ABHD2: variants seen among roughly 807,000 people sequenced by gnomAD.
The protein encoded by ABHD2 is monoacylglycerol lipase ABHD2.
A neutral mutation model predicts 48.1 loss-of-function variants in ABHD2; 20 were observed. The ratio of observed to expected loss-of-function variants is 0.42; its 90% CI spans 0.29 to 0.60. The LOEUF is 0.60. Ranked by LOEUF, ABHD2 falls within the 20% of genes least tolerant of loss-of-function variation. The pLI is 0.24. For missense variants in ABHD2, 405 were observed against 550.9 expected (o/e 0.74, Z 2.65); for synonymous variants, 209 against 214.2 (o/e 0.98, Z 0.21).
the ABHD2 span, among the ~76,000 whole-genome samples, chr15:89,080,533 G>C: frequency 2.0e-5 from 3 of 152,044 alleles, no homozygotes; most frequent in Non-Finnish European, 4.4e-5. Flanking sequence ...CCTTGCAAAG[G>C]GGCCCAAATT....
At chr15:89,172,491 C>G (rs1428872789) in intron 5 of ABHD2, among the ~76,000 whole-genome samples, 2 of 152,240 alleles carry the variant, frequency 1.3e-5, no homozygotes, top group Non-Finnish European at 2.9e-5. Flanking sequence ...GCATTGTACA[C>G]ATGTACCACA....
At chr15:89,058,142 A>G in the ABHD2 span, among the ~76,000 whole-genome samples, 114 of 152,264 alleles carry the variant, frequency 7.5e-4, no homozygotes, top group African/African-American at 2.6e-3. Flanking sequence ...ATAACCACCT[A>G]AAAGACCAGG....
Position 89,176,042 on chromosome 15 carries a change from T to C in ABHD2, c.722+47T>C, listed in dbSNP as rs1247183627. 6.5e-7 allele frequency: 1 copy of C among 1,529,144 alleles called. No individual in the cohort carries two copies. The allele number at this position is 1,529,144 out of a possible 1,614,324, so 94.7% of individuals were successfully genotyped here. A position where few individuals can be genotyped will look rare whatever the true frequency, so the allele number is the denominator to read the frequency against. On this transcript the variant is annotated intron_variant, in intron 6 of 10. Transcript: ENST00000352732. This position sits in a 1 kb window ranked among gnomAD's most constrained non-coding sequence, Gnocchi z 4.5. Reference sequence around the variant, plus strand: ...TCAGGGCCTTCAGTTAGCCCTTATTTATAGAGATGCCCCGACGCACAACAC... The same window carrying C: ...TCAGGGCCTTCAGTTAGCCCTTATTCATAGAGATGCCCCGACGCACAACAC...
chr15:89,190,139 G>A (rs930199094), intron 8 of ABHD2, among the ~76,000 whole-genome samples: 1 of 152,162 alleles, frequency 6.6e-6, no homozygotes, highest in African/African-American at 2.4e-5. Context: ...CCACAGCTTT[G>A]GGGGAGGAAG....
At chr15:89,074,826 C>A in the ABHD2 span, among the ~76,000 whole-genome samples, 1 of 152,202 alleles carries the variant, frequency 6.6e-6, no homozygotes, top group Non-Finnish European at 1.5e-5. Context: ...CCCTATCTGT[C>A]TTTTAAAATA....
At chr15:89,072,933 A>G in the ABHD2 span, among the ~76,000 whole-genome samples, 1 of 152,166 alleles carries the variant, frequency 6.6e-6, no homozygotes, top group South Asian at 2.1e-4. Flanking sequence ...TATTAATAAA[A>G]TTTAATTTTT....
In ABHD2 at chr15:89,137,066, A is replaced by G. The variant is rs1480905526; in HGVS notation, c.195-14611A>G. ...TGGGAATAGTGGTGCCTTCTCCTAA[A>G]GTTAGGTCACTAATCTTTGACTGGC... On this transcript the variant is annotated intron_variant, in intron 3 of 10. Coordinates refer to ENST00000352732, the MANE Select transcript of ABHD2 (RefSeq NM_152924.5). This position sits in a 1 kb window ranked among gnomAD's most constrained non-coding sequence, Gnocchi z 4.8. Among the ~76,000 whole-genome samples, 2 of 152,226 alleles carry G rather than the reference A, an allele frequency of 1.3e-5. No homozygotes were observed. The highest frequency in any genetic ancestry group is 2.9e-5 in the Non-Finnish European group (2 of 68,032).
the ABHD2 span, among the ~76,000 whole-genome samples, chr15:89,043,878 C>T: frequency 7.7e-6 from 1 of 129,318 alleles, no homozygotes; most frequent in African/African-American, 2.5e-5. Flanking sequence ...GTATTTTTCT[C>T]TTTTCTTTTT....
chr15:89,164,098 T>G lies in ABHD2; in HGVS notation c.538+8564T>G, dbSNP rs2050801493. On this transcript the variant is annotated intron_variant, in intron 5 of 10. Coordinates refer to ENST00000352732, the MANE Select transcript of ABHD2 (RefSeq NM_152924.5). This position sits in a 1 kb window ranked among gnomAD's most constrained non-coding sequence, Gnocchi z 5.0. ...GGACCTGTGGGTTTGGTCTTTGATCTTTTGTTCAGCCAGCATCCTCCAGAC... is the reference window on the plus strand; with the variant it reads ...GGACCTGTGGGTTTGGTCTTTGATCGTTTGTTCAGCCAGCATCCTCCAGAC... Among the ~76,000 whole-genome samples the G allele has an allele frequency of 6.6e-6, 1 of 152,178 alleles. No individual in the cohort carries two copies. The highest frequency in any genetic ancestry group is 6.5e-5 in the Admixed American group (1 of 15,282).
At chr15:89,049,373 C>T in the ABHD2 span, among the ~76,000 whole-genome samples, 2 of 152,220 alleles carry the variant, frequency 1.3e-5, no homozygotes, top group African/African-American at 4.8e-5. Flanking sequence ...AGAGGTGGAG[C>T]CTACAGAGGC....
At chr15:89,183,380 A>AT (rs1198026419) in intron 6 of ABHD2, 63 of 58,350 alleles carry the variant, frequency 1.1e-3, no homozygotes, top group East Asian at 6.2e-3. Flanking sequence ...AAAAAAAAAA[A>AT]AAAAATATAT....
At chr15:89,165,953 A>C (rs1053724316) in intron 5 of ABHD2, among the ~76,000 whole-genome samples, 1 of 152,236 alleles carries the variant, frequency 6.6e-6, no homozygotes, top group Non-Finnish European at 1.5e-5. Context: ...AGAGCAAAGA[A>C]GAGGTAGATC....
intron 3 of ABHD2, chr15:89,136,442 A>G: frequency 2.1e-6 from 1 of 481,204 alleles, no homozygotes; most frequent in Non-Finnish European, 4.0e-6. Context: ...TTTGCACAAA[A>G]AATGCATATG....
the ABHD2 span, among the ~76,000 whole-genome samples, chr15:89,081,210 G>A: frequency 7.7e-5 from 11 of 143,660 alleles, no homozygotes; most frequent in Non-Finnish European, 1.5e-4. Flanking sequence ...TGTAGAGACA[G>A]GATCTCACTG....
intron 3 of ABHD2, among the ~76,000 whole-genome samples, chr15:89,148,183 A>G (rs1330164071): frequency 2.0e-5 from 3 of 151,900 alleles, no homozygotes; most frequent in Non-Finnish European, 2.9e-5. Flanking sequence ...ATTGGAGAAA[A>G]CATTTGTAAC....
chr15:89,113,692 G>A (rs150396320), intron 1 of ABHD2, 33 bp from the exon 2 acceptor site: 17 of 152,188 alleles, frequency 1.1e-4, no homozygotes, highest in African/African-American at 2.9e-4. Context: ...CTTCTTTTTC[G>A]TTCTTTAAAA....
At chr15:89,098,206 T>C (rs1012744459) in intron 1 of ABHD2, among the ~76,000 whole-genome samples, 7 of 152,170 alleles carry the variant, frequency 4.6e-5, no homozygotes, top group Non-Finnish European at 7.3e-5. Flanking sequence ...CTACATATAT[T>C]GTTTGGCATC....
At chr15:89,165,895 T>C (rs2050831279) in intron 5 of ABHD2, among the ~76,000 whole-genome samples, 1 of 152,196 alleles carries the variant, frequency 6.6e-6, no homozygotes, top group South Asian at 2.1e-4. Context: ...GCTTCTTCTG[T>C]CTCTCTTTGG....
chr15:89,084,238 G>A (rs1313288350), upstream of ABHD2, among the ~76,000 whole-genome samples: 3 of 150,020 alleles, frequency 2.0e-5, no homozygotes, highest in African/African-American at 7.3e-5. The surrounding 1 kb of genome is among the most constrained non-coding windows in gnomAD (Gnocchi z 4.4). Flanking sequence ...AATCCTGCAT[G>A]TGTTGGAGAG....
Sources: gnomAD v4.1 joint callset for allele counts (sites outside exome capture counted in the v4.1 genomes callset) on GRCh38, gnomAD v4.1.1 for gene constraint, Gnocchi (gnomAD v3.1) non-coding constraint, MANE v1.5 for transcripts, NCBI Gene and HGNC (gene_info 2026-07-23, HGNC 2026-07-21) for gene names.